Variants in EPS8 observed in about 807,000 individuals in gnomAD.
The protein encoded by EPS8 is EGFR pathway substrate 8, signaling adaptor.
In EPS8, 42 loss-of-function variants were observed where a neutral mutation model predicts 103.8. That is an observed-to-expected ratio of 0.40 (90% confidence interval 0.32 to 0.52). EPS8 has a LOEUF of 0.52. Among genes scored for constraint, EPS8 ranks in the 20% least tolerant of loss-of-function variants. The pLI, the probability that EPS8 is intolerant of heterozygous loss-of-function variation, is 0.40. For synonymous variants in EPS8, 344 were observed against 344.6 expected, an observed-to-expected ratio of 1.00 and a Z score of 0.02; for missense variants, 969 against 1,005.1, an observed-to-expected ratio of 0.96 and a Z score of 0.49.
At chr12:15,655,990 T>C (rs562794142) in intron 12 of EPS8, among the ~76,000 whole-genome samples, 1 of 152,328 alleles carries the variant, frequency 6.6e-6, no homozygotes, top group Non-Finnish European at 1.5e-5. Flanking sequence ...TAAGGTGTAA[T>C]TTTTGAGAAA....
In EPS8 at chr12:15,714,814, T is replaced by G. The variant is rs1455544236; in HGVS notation, c.-21-31842A>C. Among the ~76,000 whole-genome samples the G allele has an allele frequency of 6.6e-6, 1 of 152,208 alleles. No individual in the cohort carries two copies. Among genetic ancestry groups the G allele is most frequent in the Non-Finnish European group, 1.5e-5 (1 of 68,028 alleles). ...TGAAAAGCATCACTATAAATAGAAT[T>G]TTTAAAATGTATTTAGAAAAGCAAT... On this transcript the variant is annotated intron_variant, in intron 1 of 20. Transcript: ENST00000281172. This position sits in a 1 kb window ranked among gnomAD's most constrained non-coding sequence, Gnocchi z 4.1.
intron 1 of EPS8, among the ~76,000 whole-genome samples, chr12:15,685,626 C>A (rs1256954110): frequency 1.3e-5 from 2 of 152,132 alleles, no homozygotes; most frequent in Non-Finnish European, 2.9e-5. Flanking sequence ...TGGCAATTTG[C>A]TAAATTGAAT....
intron 1 of EPS8, among the ~76,000 whole-genome samples, chr12:15,766,221 T>TA (rs1373354651): frequency 1.3e-5 from 2 of 151,002 alleles, no homozygotes; most frequent in Non-Finnish European, 2.9e-5. Context: ...CTCACACCTG[T>TA]AATCCCAGCA....
chr12:15,788,694 G>A (rs1947335241), intron 1 of EPS8, among the ~76,000 whole-genome samples: 1 of 152,176 alleles, frequency 6.6e-6, no homozygotes, highest in African/African-American at 2.4e-5. Flanking sequence ...GGGTAAACGG[G>A]GGTGGGACCC....
chr12:15,635,772 T>C (rs1945123603), intron 17 of EPS8, among the ~76,000 whole-genome samples: 1 of 152,176 alleles, frequency 6.6e-6, no homozygotes, highest in Non-Finnish European at 1.5e-5. Context: ...ATGCTCTCTT[T>C]AAGGACTAGA....
chr12:15,699,962 T>G (rs912895178), intron 1 of EPS8, among the ~76,000 whole-genome samples: 12 of 152,186 alleles, frequency 7.9e-5, no homozygotes, highest in African/African-American at 2.7e-4. Context: ...AAGACCAGCC[T>G]GGCCAACATG....
At chr12:15,685,738 T>C (rs573153242) in intron 1 of EPS8, among the ~76,000 whole-genome samples, 5 of 152,304 alleles carry the variant, frequency 3.3e-5, no homozygotes, top group African/African-American at 1.2e-4. Flanking sequence ...ATTTGAGCGA[T>C]TGCAGTGTAT....
At chr12:15,660,424 C>T (rs987772017) in intron 10 of EPS8, among the ~76,000 whole-genome samples, 190 bp downstream of exon 10, 29 of 151,952 alleles carry the variant, frequency 1.9e-4, no homozygotes, top group Admixed American at 1.4e-3. Flanking sequence ...CCACCATGCC[C>T]GGCTAATTTT....
rs1202916121 is a variant in EPS8, at chr12:15,769,227, T to C, written c.-22+19934A>G. 1.3e-5 allele frequency among the ~76,000 whole-genome samples: 2 copies of C among 152,184 alleles called. No homozygotes were observed. Among genetic ancestry groups the C allele is most frequent in the African/African-American group, 2.4e-5 (1 of 41,460 alleles). On this transcript the variant is annotated intron_variant, in intron 1 of 20. Transcript: ENST00000281172. The surrounding 1 kb of genome is among the most constrained non-coding windows in gnomAD (Gnocchi z 4.6). Reference sequence around the variant, plus strand: ...AATGTTGGCAAAATAAATTGACATATGCTTAACAAAAAGCACACAAAAAAT... The same window carrying C: ...AATGTTGGCAAAATAAATTGACATACGCTTAACAAAAAGCACACAAAAAAT...
At chr12:15,692,741 T>A (rs929268459) in intron 1 of EPS8, among the ~76,000 whole-genome samples, 3 of 151,910 alleles carry the variant, frequency 2.0e-5, no homozygotes, top group Admixed American at 6.6e-5. Flanking sequence ...ATTTTGTAAT[T>A]TTTTTTTCTA....
chr12:15,706,013 A>AT lies in EPS8; in HGVS notation c.-21-23042dup, dbSNP rs201182998. Among the ~76,000 whole-genome samples, 48 of 149,778 alleles carry AT rather than the reference A, an allele frequency of 3.2e-4. No individual in the cohort carries two copies. Among genetic ancestry groups the AT allele is most frequent in the South Asian group, 6.3e-4 (3 of 4,750 alleles). On this transcript the variant is annotated intron_variant, in intron 1 of 20. Coordinates refer to ENST00000281172, the MANE Select transcript of EPS8 (RefSeq NM_004447.6). This position sits in a 1 kb window ranked among gnomAD's most constrained non-coding sequence, Gnocchi z 5.2. ...GTGTTGCTGCTACCACCTATCAGCTATTTTTTTTTTAACTCAAAGAAGGCT... is the reference window on the plus strand; with the variant it reads ...GTGTTGCTGCTACCACCTATCAGCTATTTTTTTTTTTAACTCAAAGAAGGCT...
chr12:15,770,715 G>A (rs1947145465), intron 1 of EPS8, among the ~76,000 whole-genome samples: 1 of 152,120 alleles, frequency 6.6e-6, no homozygotes, highest in Admixed American at 6.6e-5. Flanking sequence ...TGCCAGAAGG[G>A]TTTATCCTAA....
intron 17 of EPS8, among the ~76,000 whole-genome samples, chr12:15,633,679 T>A (rs150575209): frequency 4.6e-5 from 7 of 152,226 alleles, no homozygotes; most frequent in African/African-American, 1.4e-4. Context: ...GAAACCCATA[T>A]GAAAATGTAT....
rs1249318868 is a variant in EPS8, at chr12:15,716,431, CAT to C, written c.-21-33461_-21-33460del. Among the ~76,000 whole-genome samples, 3 of 152,156 alleles carry C rather than the reference CAT, an allele frequency of 2.0e-5. No homozygotes were observed. Among genetic ancestry groups the C allele is most frequent in the African/African-American group, 7.2e-5 (3 of 41,512 alleles). On this transcript the variant is annotated intron_variant, in intron 1 of 20. Coordinates refer to ENST00000281172, the MANE Select transcript of EPS8 (RefSeq NM_004447.6). The surrounding 1 kb of genome is among the most constrained non-coding windows in gnomAD (Gnocchi z 5.0). ...AAAAATGGCATGGACTGAAACCATC[CAT>C]AGTCATTCATATCCATACACAGGAT...
rs151220379 is a variant in EPS8, at chr12:15,648,146, G to A, written c.1435-886C>T. Among the ~76,000 whole-genome samples the A allele has an allele frequency of 3.2e-3, 491 of 152,256 alleles. 1 individual carries two copies. The highest frequency in any genetic ancestry group is 9.0e-3 in the African/African-American group (374 of 41,530). On this transcript the variant is annotated intron_variant, in intron 14 of 20. Coordinates refer to ENST00000281172, the MANE Select transcript of EPS8 (RefSeq NM_004447.6). ...TGAGGCACAGTTTCCAACAGGCCAC[G>A]CACTAGTACTGGTCCACGACCCAGG...
intron 9 of EPS8, among the ~76,000 whole-genome samples, 164 bp downstream of exon 9, chr12:15,661,862 G>C (rs574502687): frequency 3.2e-3 from 489 of 152,266 alleles, no homozygotes; most frequent in Non-Finnish European, 5.3e-3. Context: ...TGTTTAACGA[G>C]AAAATAATTC....
At chr12:15,715,998 T>G (rs1316286761) in intron 1 of EPS8, among the ~76,000 whole-genome samples, 5 of 151,934 alleles carry the variant, frequency 3.3e-5, no homozygotes, top group Admixed American at 6.5e-5. Flanking sequence ...AATTCCTCGA[T>G]GAGAAAATCA....
chr12:15,623,025 C>T, intron 20 of EPS8, 133 bp downstream of exon 20: 2 of 857,468 alleles, frequency 2.3e-6, no homozygotes. Context: ...ATCTCAGTGA[C>T]AAATTTACAA....
chr12:15,622,504 A>G (rs1944875985), intron 20 of EPS8, among the ~76,000 whole-genome samples: 1 of 152,188 alleles, frequency 6.6e-6, no homozygotes, highest in South Asian at 2.1e-4. Flanking sequence ...AATTTTCATG[A>G]AACTATTAAG....
Sources: allele counts gnomAD v4.1 joint callset (sites outside exome capture counted in the v4.1 genomes callset), GRCh38; gene constraint gnomAD v4.1.1; non-coding constraint Gnocchi (gnomAD v3.1); transcripts MANE v1.5; gene names NCBI Gene and HGNC (gene_info 2026-07-23, HGNC 2026-07-21).